MUC5AC: variants seen among roughly 807,000 people sequenced by gnomAD.
The protein encoded by MUC5AC is mucin 5AC, oligomeric mucus/gel-forming.
A neutral mutation model predicts 169.7 loss-of-function variants in MUC5AC; 158 were observed. The ratio of observed to expected loss-of-function variants is 0.93; its 90% confidence interval spans 0.82 to 1.06. The LOEUF is 1.06. MUC5AC is among the 50% of genes least tolerant of loss of function. MUC5AC has a pLI of 0.00. For synonymous variants in MUC5AC, 1,975 were observed against 1,237.0 expected, an observed-to-expected ratio of 1.60 and a Z score of -12.52; for missense variants, 4,359 against 3,089.9, an observed-to-expected ratio of 1.41 and a Z score of -9.74.
intron 18 of MUC5AC, 21 bp from the exon 19 acceptor site, chr11:1,175,197 C>T: frequency 2.5e-6 from 1 of 398,780 alleles, no homozygotes; most frequent in Non-Finnish European, 4.4e-6. Context: ...GGCTGAGGCT[C>T]TGACCACCAT....
intron 9 of MUC5AC, 140 bp downstream of exon 9, chr11:1,164,672 C>T (rs56380509): frequency 0.16 from 206,908 of 1,264,776 alleles, 18,246 homozygotes; most frequent in African/African-American, 0.35. Context: ...TGTCCTGGGC[C>T]GCTGAGGCTG....
Position 1,185,712 on chromosome 11 carries a change from A to G in MUC5AC, c.7567A>G (p.Ser2523Gly), listed in dbSNP as rs1860925087. 2 of 745,380 alleles carry G rather than the reference A, an allele frequency of 2.7e-6. No individual in the cohort carries two copies. The highest frequency in any genetic ancestry group is 3.4e-5 in the African/African-American group (2 of 58,356). 46.2% of individuals were successfully genotyped at this position (745,380 alleles called of 1,614,324 possible). Residue 2523 changes from serine to glycine, a missense_variant, in exon 31 of 49, where the codon AGC becomes GGC. By Grantham distance (56) the Ser-to-Gly change is moderately conservative (BLOSUM62 0). Transcript: ENST00000621226. ...TTSTTSASTTSTTSGAGTTPS... is the reference protein window; with the variant it reads ...TTSTTSASTTGTTSGAGTTPS... ...CAGCACAACCTCTGCTTCTACAACC[A>G]GCACAACCTCTGGTGCTGGAACTAC...
Position 1,168,538 on chromosome 11 carries a change from T to C in MUC5AC, c.1553T>C (p.Leu518Pro), listed in dbSNP as rs569563968. ...EVFLNQIYTQLPISAANVTIF... is the reference protein window; with the variant it reads ...EVFLNQIYTQPPISAANVTIF... ...TTCCTGAACCAGATCTACACCCAGC[T>C]GCCCATCTCTGCAGGTGAGGGCAGT... The change falls in exon 13 of 49, where the codon CTG (leucine) becomes CCG (proline). Residue 518 changes from leucine to proline, a missense_variant. Transcript: ENST00000621226. The C allele has an allele frequency of 2.5e-6, 4 of 1,612,590 alleles. No individual in the cohort carries two copies. Among genetic ancestry groups the C allele is most frequent in the East Asian group, 4.5e-5 (2 of 44,878 alleles).
chr11:1,196,268 C>T (rs1039207013), intron 37 of MUC5AC, 120 bp from the exon 38 acceptor site: 1 of 689,312 alleles, frequency 1.5e-6, no homozygotes, highest in Non-Finnish European at 2.6e-6. Flanking sequence ...AGGCCGTAGC[C>T]AGGCCCAGGC....
intron 1 of MUC5AC, among the ~76,000 whole-genome samples, chr11:1,158,646 GC>G (rs2133708998): frequency 6.6e-6 from 1 of 152,322 alleles, no homozygotes; most frequent in South Asian, 2.1e-4. Context: ...GGTCTGGACT[GC>G]CCCTTGCTGG....
intron 33 of MUC5AC, among the ~76,000 whole-genome samples, 198 bp from the exon 34 acceptor site, chr11:1,193,912 C>T (rs71469854): frequency 0.11 from 16,091 of 152,306 alleles, 1,135 homozygotes; most frequent in Non-Finnish European, 0.16. Flanking sequence ...TGCCTCGCTC[C>T]AGCCTTGTCA....
chr11:1,179,641 C>T (rs1408035567), intron 26 of MUC5AC, among the ~76,000 whole-genome samples: 2 of 122,898 alleles, frequency 1.6e-5, no homozygotes, highest in African/African-American at 5.7e-5. Context: ...GCGTGGCTGA[C>T]GGAGGGGTCC....
intron 19 of MUC5AC, among the ~76,000 whole-genome samples, chr11:1,175,913 A>T (rs1453455729): frequency 7.3e-6 from 1 of 136,468 alleles, no homozygotes; most frequent in Non-Finnish European, 1.6e-5. Context: ...ATGCACACAC[A>T]CCCACTCATG....
In MUC5AC at chr11:1,190,087, A is replaced by G; in HGVS notation, c.11942A>G (p.Asn3981Ser). The change falls in exon 31 of 49, where the codon AAC (asparagine) becomes AGC (serine). Residue 3981 changes from asparagine (N) to serine (S), a missense_variant. Coordinates refer to ENST00000621226, the MANE Select transcript of MUC5AC (RefSeq NM_001304359.2). ...CACGGTGGGGACAAGGAAACCTACA[A>G]CAACATCATCAGGAGTGGGGAAAAA... ...GPHGGDKETY[N>S]NIIRSGEKIC... 1.3e-6 allele frequency: 1 copy of G among 763,198 alleles called. No individual in the cohort carries two copies. Among genetic ancestry groups the G allele is most frequent in the Non-Finnish European group, 2.4e-6 (1 of 416,874 alleles). 47.3% of individuals were successfully genotyped at this position (763,198 alleles called of 1,614,324 possible).
intron 32 of MUC5AC, 72 bp from the exon 33 acceptor site, chr11:1,193,413 T>C (rs1861174370): frequency 1.5e-6 from 1 of 657,222 alleles, no homozygotes; most frequent in South Asian, 1.6e-5. Context: ...CTCGGGACTG[T>C]GACCCCGAGA....
Position 1,181,434 on chromosome 11 carries a change from C to A in MUC5AC, c.3984C>A (p.Thr1328=), listed in dbSNP as rs1860812963. Residue 1328 remains threonine (T), a synonymous_variant, in exon 30 of 49, where the codon ACC becomes ACA. Coordinates refer to ENST00000621226, the MANE Select transcript of MUC5AC (RefSeq NM_001304359.2). ...CCACCACCCCTGTCCCCCCAACCAC[C>A]TTCTCCTTCTCCACACCCCCGCTTG... ...CSPTTPVPPT[T]FSFSTPPLVV... is the part of the protein sequence containing the mutation. 9 of 397,668 alleles carry A rather than the reference C, an allele frequency of 2.3e-5. No homozygotes were observed. In the Middle Eastern group the frequency reaches 3.1e-3, roughly 139 times the overall value. 24.6% of individuals were successfully genotyped at this position (397,668 alleles called of 1,614,324 possible).
At chr11:1,177,758 G>A (rs1860722082) in intron 24 of MUC5AC, 125 bp downstream of exon 24, 3 of 395,818 alleles carry the variant, frequency 7.6e-6, no homozygotes, top group Admixed American at 8.8e-5. Context: ...GAAGCGGGGT[G>A]GGAAGTGGGG....
At position 1,189,209 on chromosome 11, in the gene MUC5AC, A is replaced by T; in HGVS notation, c.11064A>T (p.Thr3688=). 1 of 599,434 alleles carries T rather than the reference A, an allele frequency of 1.7e-6. No individual in the cohort carries two copies. The highest frequency in any genetic ancestry group is 3.0e-6 in the Non-Finnish European group (1 of 336,726). The allele number at this position is 599,434 out of a possible 1,614,324, so 37.1% of individuals were successfully genotyped here. A position where few individuals can be genotyped will look rare whatever the true frequency, so the allele number is the denominator to read the frequency against. The change falls in exon 31 of 49, where the codon ACA becomes ACT. Residue 3688 remains threonine (T), a synonymous_variant. Coordinates refer to ENST00000621226, the MANE Select transcript of MUC5AC (RefSeq NM_001304359.2). ...CAACCCCTGCTTCTATACCCAGCAC[A>T]ACCTCTGCCCCAACAACCAGCACAA... ...TSTTPASIPS[T]TSAPTTSTTS...
Position 1,195,131 on chromosome 11 carries a change from C to A in MUC5AC, c.15310C>A (p.Arg5104=). The part of the protein sequence containing the change: ...VSIPDQPACH[R]PHPTPTTVGP... ...CATACCCGACCAGCCAGCCTGCCAC[C>A]GGCCTCACCCGACGCCCACCACGGT... The change falls in exon 36 of 49, where the codon CGG becomes AGG. Residue 5104 remains arginine, a synonymous_variant. Coordinates refer to ENST00000621226, the MANE Select transcript of MUC5AC (RefSeq NM_001304359.2). 1 of 764,434 alleles carries A rather than the reference C, an allele frequency of 1.3e-6. No individual in the cohort carries two copies. Among genetic ancestry groups the A allele is most frequent in the East Asian group, 2.4e-5 (1 of 41,224 alleles). The allele number at this position is 764,434 out of a possible 1,614,324, so 47.4% of individuals were successfully genotyped here.
At position 1,191,146 on chromosome 11, in the gene MUC5AC, T is replaced by C. The variant is rs1194119815; in HGVS notation, c.13001T>C (p.Ile4334Thr). The change falls in exon 31 of 49, where the codon ATA becomes ACA. Residue 4334 changes from isoleucine to threonine, a missense_variant. Coordinates refer to ENST00000621226, the MANE Select transcript of MUC5AC (RefSeq NM_001304359.2). ...VPTTSTTSAP[I>T]TSTTSGPGST... The stretch of plus-strand genomic sequence containing the variant: ...ACCACCAGCACAACCTCTGCTCCTA[T>C]AACCAGCACAACCTCTGGTCCTGGA... 0.18 allele frequency: 55,159 copies of C among 308,640 alleles called. 5,295 individuals carry two copies. The highest frequency in any genetic ancestry group is 0.23 in the Non-Finnish European group (40,113 of 173,046). 19.1% of individuals were successfully genotyped at this position (308,640 alleles called of 1,614,324 possible).
At chr11:1,200,036 T>G in intron 48 of MUC5AC, 67 bp downstream of exon 48, 3 of 667,124 alleles carry the variant, frequency 4.5e-6, no homozygotes, top group Non-Finnish European at 8.1e-6. Context: ...CCCCCAGGGC[T>G]CTAGGTGCCA....
At chr11:1,163,140 A>G (rs1267675092) in intron 6 of MUC5AC, 95 bp downstream of exon 6, 8 of 1,145,656 alleles carry the variant, frequency 7.0e-6, no homozygotes, top group Non-Finnish European at 1.1e-5. Flanking sequence ...GGGCACACAC[A>G]TGCACAGATA....
chr11:1,182,602 G>C lies in MUC5AC; in HGVS notation c.4457G>C (p.Ser1486Thr). Residue 1486 changes from serine to threonine, a missense_variant, in exon 31 of 49, where the codon AGT (serine) becomes ACT (threonine). Transcript: ENST00000621226. ...CTPLPCSTSS[S>T]PAQTTPPTTS... ...CCCCTACCCTGCTCCACCTCTAGCAGTCCAGCCCAGACCACTCCTCCAACT... is the reference window on the plus strand; with the variant it reads ...CCCCTACCCTGCTCCACCTCTAGCACTCCAGCCCAGACCACTCCTCCAACT... The C allele has an allele frequency of 2.5e-6, 1 of 398,876 alleles. No homozygotes were observed. The highest frequency in any genetic ancestry group is 4.4e-6 in the Non-Finnish European group (1 of 226,306). 24.7% of individuals were successfully genotyped at this position (398,876 alleles called of 1,614,324 possible). A position where few individuals can be genotyped will look rare whatever the true frequency, so the allele number is the denominator to read the frequency against.
intron 41 of MUC5AC, 124 bp downstream of exon 41, chr11:1,197,763 C>T: frequency 1.6e-6 from 1 of 629,774 alleles, no homozygotes; most frequent in South Asian, 1.8e-5. Flanking sequence ...GGCGTCCCCT[C>T]CTCCGCTTCC....
Sources: allele counts gnomAD v4.1 joint callset (sites outside exome capture counted in the v4.1 genomes callset), GRCh38; gene constraint gnomAD v4.1.1; transcripts MANE v1.5; gene names NCBI Gene and HGNC (gene_info 2026-07-23, HGNC 2026-07-21).